The following GALE variants were observed in gnomAD, a reference collection of about 807,000 sequenced individuals.
GALE encodes the protein UDP-galactose-4-epimerase.
Under a neutral mutation model 44.1 loss-of-function variants are expected in GALE, and 32 were observed. The observed-to-expected ratio is 0.73, with a 90% CI of 0.55 to 0.97. The LOEUF is 0.97. Among genes scored for constraint, GALE ranks in the 50% least tolerant of loss-of-function variants. The pLI is 0.00. For synonymous variants in GALE, 182 were observed against 183.5 expected (o/e 0.99, Z 0.06); for missense variants, 423 against 455.6 (o/e 0.93, Z 0.65).
At position 23,798,748 on chromosome 1, in the gene GALE, G is replaced by A. The variant is rs2148412248; in HGVS notation, c.122-18C>T. On this transcript the variant is annotated intron_variant, in intron 3 of 11. Coordinates refer to ENST00000617979, the MANE Select transcript of GALE (RefSeq NM_001008216.2). The surrounding 1 kb of genome is among the most constrained non-coding windows in gnomAD (Gnocchi z 4.5). ...GCCCCCTCCTGGTAGGGTACATGTA[G>A]GCCACATCATCACGACATGGGGTGC... 1 of 1,611,032 alleles carries A rather than the reference G, an allele frequency of 6.2e-7. No homozygotes were observed. Among genetic ancestry groups the A allele is most frequent in the Non-Finnish European group, 8.5e-7 (1 of 1,177,118 alleles).
rs376864677 is a variant in GALE, at chr1:23,795,902, A to C, written c.*47T>G. On this transcript the variant is annotated 3_prime_UTR_variant, in exon 12 of 12. Coordinates refer to ENST00000617979, the MANE Select transcript of GALE (RefSeq NM_001008216.2). Reference sequence around the variant, plus strand: ...GCCCTGAGTTCCTGCCAGAGGCTGGAGAGCAGGCAGCTGCTGCTTTTCCTG... The same window carrying C: ...GCCCTGAGTTCCTGCCAGAGGCTGGCGAGCAGGCAGCTGCTGCTTTTCCTG... 8 of 1,576,260 alleles carry C rather than the reference A, an allele frequency of 5.1e-6. No homozygotes were observed. The highest frequency in any genetic ancestry group is 7.0e-6 in the Non-Finnish European group (8 of 1,148,720).
rs1638960014 is a variant in GALE at position 23,796,507 on chromosome 1, A to C, written c.873+2T>G. 1.9e-6 allele frequency: 3 copies of C among 1,611,654 alleles called. No homozygotes were observed. Among genetic ancestry groups the C allele is most frequent in the African/African-American group, 1.3e-5 (1 of 74,666 alleles). ...TGAGGTGGGTGGGGCGGGGGGGCCT[A>C]CCTTCTTCCCAGAGGCCTTCTCCAT... On this transcript the variant is annotated splice_donor_variant, in intron 10 of 11. Transcript: ENST00000617979. LOFTEE classifies it high-confidence loss of function. This position sits in a 1 kb window ranked among gnomAD's most constrained non-coding sequence, Gnocchi z 5.2.
At position 23,798,698 on chromosome 1, in the gene GALE, C is replaced by G. The variant is rs750780115; in HGVS notation, c.154G>C (p.Val52Leu). 1 of 1,613,870 alleles carries G rather than the reference C, an allele frequency of 6.2e-7. No individual in the cohort carries two copies. Among genetic ancestry groups the G allele is most frequent in the Non-Finnish European group, 8.5e-7 (1 of 1,179,832 alleles). The change falls in exon 4 of 12, where the codon GTC becomes CTC. Residue 52 changes from valine (V) to leucine (L), a missense_variant. Physicochemically the swap from Val to Leu is conservative, Grantham distance 32. Coordinates refer to ENST00000617979, the MANE Select transcript of GALE (RefSeq NM_001008216.2). This position sits in a 1 kb window ranked among gnomAD's most constrained non-coding sequence, Gnocchi z 4.5. ...ACAGAGCGGCCTGTCAGCTCCTGGA[C>G]CCGCCGCAGGCTCTCAGGCAGGGAG... is the stretch of plus-strand genomic sequence containing the variant. ...GGSLPESLRRVQELTGRSVEF... is the reference protein window; with the variant it reads ...GGSLPESLRRLQELTGRSVEF...
chr1:23,800,493 C>G (rs1380941813), intron 1 of GALE: 1 of 152,484 alleles, frequency 6.6e-6, no homozygotes, highest in Non-Finnish European at 1.5e-5. Context: ...GGGCTTTGGG[C>G]TGTAGCGCGG....
At position 23,799,004 on chromosome 1, in the gene GALE, C is replaced by A; in HGVS notation, c.4G>T (p.Ala2Ser). 1 of 1,614,192 alleles carries A rather than the reference C, an allele frequency of 6.2e-7. No individual in the cohort carries two copies. Among genetic ancestry groups the A allele is most frequent in the Non-Finnish European group, 8.5e-7 (1 of 1,180,034 alleles). ...CCACCTGTTACCAGCACCTTCTCTGCCATGGCACCTGGCCCAGGATACAGA... is the reference window on the plus strand; with the variant it reads ...CCACCTGTTACCAGCACCTTCTCTGACATGGCACCTGGCCCAGGATACAGA... M[A>S]EKVLVTGGAG... The change falls in exon 3 of 12, where the codon GCA (alanine) becomes TCA (serine). Residue 2 changes from alanine (A) to serine (S), a missense_variant. Ala to Ser is a moderately conservative substitution (Grantham distance 99). Coordinates refer to ENST00000617979, the MANE Select transcript of GALE (RefSeq NM_001008216.2).
rs1384733437 is a variant in GALE at position 23,798,570 on chromosome 1, T to C, written c.237+45A>G. On this transcript the variant is annotated intron_variant, in intron 4 of 11. Coordinates refer to ENST00000617979, the MANE Select transcript of GALE (RefSeq NM_001008216.2). The surrounding 1 kb of genome is among the most constrained non-coding windows in gnomAD (Gnocchi z 4.5). ...ATCTCCTCACCTCGGCCTTCCAAAGTGCTGGAATTACAGGCGTGAGCCACC... is the reference window on the plus strand; with the variant it reads ...ATCTCCTCACCTCGGCCTTCCAAAGCGCTGGAATTACAGGCGTGAGCCACC... The C allele has an allele frequency of 7.1e-7, 1 of 1,401,284 alleles. No individual in the cohort carries two copies. Among genetic ancestry groups the C allele is most frequent in the Admixed American group, 1.7e-5 (1 of 59,696 alleles). The allele number at this position is 1,401,284 out of a possible 1,614,324, so 86.8% of individuals were successfully genotyped here.
rs1639053571 is a variant in GALE, at chr1:23,799,041, G to A, written c.-5-29C>T. 3 of 1,613,898 alleles carry A rather than the reference G, an allele frequency of 1.9e-6. No individual in the cohort carries two copies. The South Asian group carries it at 3.3e-5, about 18-fold the overall frequency. ...GCCCAGGATACAGAGTCTCAGAGGT[G>A]GCTGAGGCTGCCTGCTCAGAGCTTC... On this transcript the variant is annotated intron_variant, in intron 2 of 11. Coordinates refer to ENST00000617979, the MANE Select transcript of GALE (RefSeq NM_001008216.2).
At position 23,798,727 on chromosome 1, in the gene GALE, C is replaced by T; in HGVS notation, c.125G>A (p.Gly42Glu). 1.2e-6 allele frequency: 2 copies of T among 1,613,614 alleles called. No homozygotes were observed. The highest frequency in any genetic ancestry group is 1.1e-5 in the South Asian group (1 of 91,076). The change falls in exon 4 of 12, where the codon GGG (glycine) becomes GAG (glutamate). Residue 42 changes from glycine (G) to glutamate (E), a missense_variant. Coordinates refer to ENST00000617979, the MANE Select transcript of GALE (RefSeq NM_001008216.2). The surrounding 1 kb of genome is among the most constrained non-coding windows in gnomAD (Gnocchi z 4.5). ...IDNFHNAFRG[G>E]GSLPESLRRV... ...CCGCAGGCTCTCAGGCAGGGAGCCC[C>T]CTCCTGGTAGGGTACATGTAGGCCA...
chr1:23,796,483 G>A lies in GALE; in HGVS notation c.873+26C>T. Reference sequence around the variant, plus strand: ...GAGAGCTGGGTGGGGTGAGGTGGGTGAGGTGGGTGGGGCGGGGGGGCCTAC... The same window carrying A: ...GAGAGCTGGGTGGGGTGAGGTGGGTAAGGTGGGTGGGGCGGGGGGGCCTAC... On this transcript the variant is annotated intron_variant, in intron 10 of 11. Coordinates refer to ENST00000617979, the MANE Select transcript of GALE (RefSeq NM_001008216.2). This position sits in a 1 kb window ranked among gnomAD's most constrained non-coding sequence, Gnocchi z 5.2. 6.2e-7 allele frequency: 1 copy of A among 1,605,050 alleles called. No individual in the cohort carries two copies. Among genetic ancestry groups the A allele is most frequent in the Non-Finnish European group, 8.5e-7 (1 of 1,175,742 alleles).
Position 23,796,163 on chromosome 1 carries a change from G to GCCCTAAGGCTGCTGTCCAC in GALE, c.957_975dup (p.Leu326ValfsTer12). On this transcript the variant is annotated frameshift_variant, in exon 11 of 12. Transcript: ENST00000617979. LOFTEE classifies it high-confidence loss of function. This position sits in a 1 kb window ranked among gnomAD's most constrained non-coding sequence, Gnocchi z 5.2. Reference sequence around the variant, plus strand: ...GGCCAGCACTCACACATCCTGTCCAGCCCTAAGGCTGCTGTCCACCCCAGC... The same window carrying GCCCTAAGGCTGCTGTCCAC: ...GGCCAGCACTCACACATCCTGTCCAGCCCTAAGGCTGCTGTCCACCCCTAAGGCTGCTGTCCACCCCAGC... The GCCCTAAGGCTGCTGTCCAC allele has an allele frequency of 1.9e-6, 3 of 1,613,658 alleles. No homozygotes were observed. Among genetic ancestry groups the GCCCTAAGGCTGCTGTCCAC allele is most frequent in the Non-Finnish European group, 1.7e-6 (2 of 1,179,630 alleles).
rs774952994 is a variant in GALE at position 23,797,848 on chromosome 1, C to A, written c.375G>T (p.Lys125Asn). The A allele has an allele frequency of 3.1e-6, 5 of 1,614,094 alleles. No homozygotes were observed. In the African/African-American group the frequency reaches 6.7e-5, roughly 22 times the overall value. The change falls in exon 6 of 12, where the codon AAG becomes AAT. Residue 125 changes from lysine (K) to asparagine (N), a missense_variant. Lys to Asn is a moderately conservative substitution (Grantham distance 94). Transcript: ENST00000617979. ...TGGCTGAGCTGCTGAACACCAGGTT[C>A]TTCACCCCGTGGGCCTTCATGATCT... ...LLEIMKAHGVKNLVFSSSATV... is the reference protein window; with the variant it reads ...LLEIMKAHGVNNLVFSSSATV...
rs1639007181 is a variant in GALE at position 23,797,795 on chromosome 1, G to A, written c.428C>T (p.Pro143Leu). ...ACCCGTGGGGTGGGCCTCATCAAGGGGCAGGTACTGGGGGTTCCCGTACAC... is the reference window on the plus strand; with the variant it reads ...ACCCGTGGGGTGGGCCTCATCAAGGAGCAGGTACTGGGGGTTCCCGTACAC... ...ATVYGNPQYLPLDEAHPTGGC... is the reference protein window; with the variant it reads ...ATVYGNPQYLLLDEAHPTGGC... The change falls in exon 6 of 12, where the codon CCC (proline) becomes CTC (leucine). Residue 143 changes from proline to leucine, a missense_variant. Pro to Leu is a moderately conservative substitution (Grantham distance 98). Coordinates refer to ENST00000617979, the MANE Select transcript of GALE (RefSeq NM_001008216.2). The A allele has an allele frequency of 4.3e-6, 7 of 1,614,104 alleles. No homozygotes were observed. Among genetic ancestry groups the A allele is most frequent in the Non-Finnish European group, 5.9e-6 (7 of 1,179,934 alleles).
rs576484600 is a variant in GALE, at chr1:23,796,354, C to T, written c.874-89G>A. The T allele has an allele frequency of 7.8e-5, 114 of 1,459,144 alleles. No individual in the cohort carries two copies. Among genetic ancestry groups the T allele is most frequent in the South Asian group, 7.3e-4 (64 of 87,380 alleles). 90.4% of individuals were successfully genotyped at this position (1,459,144 alleles called of 1,614,324 possible). A position where few individuals can be genotyped will look rare whatever the true frequency, so the allele number is the denominator to read the frequency against. On this transcript the variant is annotated intron_variant, in intron 10 of 11. Coordinates refer to ENST00000617979, the MANE Select transcript of GALE (RefSeq NM_001008216.2). The surrounding 1 kb of genome is among the most constrained non-coding windows in gnomAD (Gnocchi z 5.2). ...TTTAAGAAGCAGAAGTGCAGAGCAGCGGCTGGCCCGCAGGCACCGGGTGCT... is the reference window on the plus strand; with the variant it reads ...TTTAAGAAGCAGAAGTGCAGAGCAGTGGCTGGCCCGCAGGCACCGGGTGCT...
At position 23,797,695 on chromosome 1, in the gene GALE, C is replaced by G; in HGVS notation, c.528G>C (p.Lys176Asn). 6.2e-7 allele frequency: 1 copy of G among 1,614,052 alleles called. No individual in the cohort carries two copies. The highest frequency in any genetic ancestry group is 8.5e-7 in the Non-Finnish European group (1 of 1,179,960). Residue 176 changes from lysine to asparagine, a missense_variant and splice_region_variant, in exon 6 of 12, where the codon AAG becomes AAC. Physicochemically the swap from Lys to Asn is moderately conservative, Grantham distance 94. Transcript: ENST00000617979. ...EMIRDLCQAD[K>N]TWNAVLLRYF... ...AGGGCACTGTCAAGGGGGCCCTCAC[C>G]TTGTCTGCCTGGCACAGGTCCCGGA...
Position 23,796,856 on chromosome 1 carries a change from C to A in GALE, c.709+20G>T. On this transcript the variant is annotated intron_variant, in intron 8 of 11. Transcript: ENST00000617979. This position sits in a 1 kb window ranked among gnomAD's most constrained non-coding sequence, Gnocchi z 5.2. Reference sequence around the variant, plus strand: ...TCCTTCCTGGCTCCCACTCCTAGGTCCCCCTGGTCCTAGGCTCACCTGTGC... The same window carrying A: ...TCCTTCCTGGCTCCCACTCCTAGGTACCCCTGGTCCTAGGCTCACCTGTGC... The A allele has an allele frequency of 6.2e-7, 1 of 1,612,218 alleles. No individual in the cohort carries two copies. The highest frequency in any genetic ancestry group is 8.5e-7 in the Non-Finnish European group (1 of 1,179,194).
At position 23,796,078 on chromosome 1, in the gene GALE, C is replaced by G; in HGVS notation, c.989-71G>C. ...GAGCCTCCCCCACCCCACAGCCCGCCCTGGGTGGGCATGCCCAGATCTGAT... is the reference window on the plus strand; with the variant it reads ...GAGCCTCCCCCACCCCACAGCCCGCGCTGGGTGGGCATGCCCAGATCTGAT... On this transcript the variant is annotated intron_variant, in intron 11 of 11. Transcript: ENST00000617979. The surrounding 1 kb of genome is among the most constrained non-coding windows in gnomAD (Gnocchi z 5.2). 6.2e-7 allele frequency: 1 copy of G among 1,603,102 alleles called. No individual in the cohort carries two copies. Among genetic ancestry groups the G allele is most frequent in the East Asian group, 2.2e-5 (1 of 44,770 alleles).
chr1:23,797,101 T>C lies in GALE; in HGVS notation c.575A>G (p.His192Arg), dbSNP rs1164149988. ...ATCCTCACCAATGCAGCCAGAGGCATGGGCACCTGTGGGGTTGAAATAGCG... is the reference window on the plus strand; with the variant it reads ...ATCCTCACCAATGCAGCCAGAGGCACGGGCACCTGTGGGGTTGAAATAGCG... ...LLRYFNPTGA[H>R]ASGCIGEDPQ... Residue 192 changes from histidine (H) to arginine (R), a missense_variant, in exon 7 of 12, where the codon CAT (histidine) becomes CGT (arginine). His to Arg is a conservative substitution (Grantham distance 29, BLOSUM62 0). Coordinates refer to ENST00000617979, the MANE Select transcript of GALE (RefSeq NM_001008216.2). 5 of 1,613,266 alleles carry C rather than the reference T, an allele frequency of 3.1e-6. No homozygotes were observed. In the South Asian group the frequency reaches 5.5e-5, roughly 18 times the overall value.
intron 1 of GALE, chr1:23,800,014 C>G (rs1639079724): frequency 6.6e-6 from 1 of 152,334 alleles, no homozygotes; most frequent in East Asian, 1.9e-4. Flanking sequence ...ACCAAGAGCC[C>G]TCTGCGTGCC....
chr1:23,795,763 A>T lies in GALE; in HGVS notation c.*186T>A. 1 of 639,936 alleles carries T rather than the reference A, an allele frequency of 1.6e-6. No homozygotes were observed. The highest frequency in any genetic ancestry group is 2.8e-6 in the Non-Finnish European group (1 of 354,258). 39.6% of individuals were successfully genotyped at this position (639,936 alleles called of 1,614,324 possible). A position where few individuals can be genotyped will look rare whatever the true frequency, so the allele number is the denominator to read the frequency against. ...TTGGACCCTGTGGAAGATAAGAGTT[A>T]GAGACCTCGGCCTCCTGGTCAGTGG... On this transcript the variant is annotated 3_prime_UTR_variant, in exon 12 of 12. Coordinates refer to ENST00000617979, the MANE Select transcript of GALE (RefSeq NM_001008216.2).
Sources: allele counts gnomAD v4.1 joint callset, GRCh38; gene constraint gnomAD v4.1.1; non-coding constraint Gnocchi (gnomAD v3.1); transcripts MANE v1.5; gene names NCBI Gene and HGNC (gene_info 2026-07-23, HGNC 2026-07-21).